PTPRG: variants seen among roughly 807,000 people sequenced by gnomAD.
The protein encoded by PTPRG is receptor-type tyrosine-protein phosphatase gamma.
In PTPRG, 102 loss-of-function variants were observed where a neutral mutation model predicts 165.3. The observed-to-expected ratio is 0.62, with a 90% CI of 0.53 to 0.73. The LOEUF is 0.73. Among genes scored for constraint, PTPRG ranks in the 30% least tolerant of loss-of-function variants. The probability of loss-of-function intolerance (pLI) is 0.00; values close to 1 mark genes in which losing one functional copy is unlikely to be tolerated. For missense variants in PTPRG, 1,866 were observed against 1,861.4 expected (o/e 1.00, Z -0.05); for synonymous variants, 675 against 669.5 (o/e 1.01, Z -0.13).
intron 8 of PTPRG, among the ~76,000 whole-genome samples, chr3:62,183,315 A>G (rs1453900292): frequency 6.6e-6 from 1 of 152,136 alleles, no homozygotes; most frequent in African/African-American, 2.4e-5. Flanking sequence ...TGTAATCTCA[A>G]CACTTTGAGA....
At chr3:61,766,791 T>C (rs1267714901) in intron 2 of PTPRG, among the ~76,000 whole-genome samples, 1 of 151,958 alleles carries the variant, frequency 6.6e-6, no homozygotes, top group Non-Finnish European at 1.5e-5. Flanking sequence ...TAATGTTTAT[T>C]GTATTTTTAG....
chr3:61,952,118 GAAAAAAAAAA>G (rs35655816), intron 2 of PTPRG, among the ~76,000 whole-genome samples: 2 of 79,672 alleles, frequency 2.5e-5, no homozygotes, highest in South Asian at 5.4e-4. Context: ...CTCCACCTCA[GAAAAAAAAAA>G]AAAAAAAAAA....
At chr3:61,887,166 A>ATT (rs1559670266) in intron 2 of PTPRG, among the ~76,000 whole-genome samples, 25 of 99,296 alleles carry the variant, frequency 2.5e-4, no homozygotes, top group African/African-American at 3.5e-4. Flanking sequence ...ATATATATAT[A>ATT]TATATTTTTA....
intron 2 of PTPRG, among the ~76,000 whole-genome samples, chr3:61,778,629 A>G (rs1264029194): frequency 2.0e-5 from 3 of 151,974 alleles, no homozygotes; most frequent in Non-Finnish European, 2.9e-5. Context: ...GGTCCCTGCT[A>G]CTATCCTGAG....
At chr3:61,737,937 C>G (rs2032783621) in intron 1 of PTPRG, among the ~76,000 whole-genome samples, 1 of 146,142 alleles carries the variant, frequency 6.8e-6, no homozygotes, top group Admixed American at 6.9e-5. Context: ...AAGACGGAGT[C>G]TTTCTCTGTC....
chr3:61,982,027 G>T (rs2040653973), intron 2 of PTPRG, among the ~76,000 whole-genome samples: 2 of 152,066 alleles, frequency 1.3e-5, no homozygotes, highest in South Asian at 4.2e-4. Context: ...CAGTCACCTT[G>T]CCCAGTGCTC....
intron 4 of PTPRG, among the ~76,000 whole-genome samples, chr3:62,030,281 A>C (rs1699723176): frequency 6.6e-6 from 1 of 151,900 alleles, no homozygotes; most frequent in African/African-American, 2.4e-5. Flanking sequence ...TCTCACCCAA[A>C]GCTTAATTAG....
chr3:62,146,611 T>C (rs769937125), intron 6 of PTPRG, among the ~76,000 whole-genome samples: 1 of 149,870 alleles, frequency 6.7e-6, no homozygotes, highest in African/African-American at 2.5e-5. Context: ...TTCATGCTCA[T>C]ATGTATTGCC....
At chr3:61,750,059 A>G (rs2033369450) in intron 2 of PTPRG, 1 of 152,130 alleles carries the variant, frequency 6.6e-6, no homozygotes, top group Admixed American at 6.5e-5. Flanking sequence ...AGAATATCCT[A>G]TCTGTTTTGT....
intron 1 of PTPRG, among the ~76,000 whole-genome samples, chr3:61,711,909 T>A (rs1261574480): frequency 2.0e-5 from 3 of 151,678 alleles, no homozygotes; most frequent in African/African-American, 7.3e-5. Context: ...TTTTTTTTTT[T>A]TGAGACGGAG....
At chr3:62,018,628 C>G (rs370336290) in intron 4 of PTPRG, among the ~76,000 whole-genome samples, 1 of 152,218 alleles carries the variant, frequency 6.6e-6, no homozygotes, top group African/African-American at 2.4e-5. Flanking sequence ...AAAATGTAAG[C>G]ACTTGAACTA....
intron 3 of PTPRG, among the ~76,000 whole-genome samples, chr3:61,996,396 A>G (rs9827942): frequency 0.059 from 8,920 of 152,236 alleles, 783 homozygotes; most frequent in African/African-American, 0.19. Context: ...ATGGTAGACC[A>G]TTGTGGAGTC....
At chr3:61,843,686 G>C (rs978282797) in intron 2 of PTPRG, among the ~76,000 whole-genome samples, 1 of 151,912 alleles carries the variant, frequency 6.6e-6, no homozygotes, top group African/African-American at 2.4e-5. Flanking sequence ...CTATCGGCAG[G>C]TTTCCAGTGA....
intron 2 of PTPRG, among the ~76,000 whole-genome samples, chr3:61,917,545 G>T (rs1308980103): frequency 6.6e-6 from 1 of 152,314 alleles, no homozygotes; most frequent in Non-Finnish European, 1.5e-5. Context: ...TCAGCATTCA[G>T]AGGGTCCTGA....
rs755909193 is a variant in PTPRG at position 62,203,518 on chromosome 3, G to A, written c.1723G>A (p.Glu575Lys). 2.6e-5 allele frequency: 41 copies of A among 1,556,744 alleles called. No homozygotes were observed. The highest frequency in any genetic ancestry group is 4.1e-5 in the African/African-American group (3 of 73,238). ...TGATTCGTCACCAACCAAGGACGGC[G>A]AGGGCACCGAGGAAGGAGAGAAGGA... is the stretch of plus-strand genomic sequence containing the variant. The part of the protein sequence containing the change: ...DGDSSPTKDG[E>K]GTEEGEKDEK... The change falls in exon 12 of 30, where the codon GAG (glutamate) becomes AAG (lysine). Residue 575 changes from glutamate to lysine, a missense_variant. Physicochemically the swap from Glu to Lys is moderately conservative, Grantham distance 56. Coordinates refer to ENST00000474889, the MANE Select transcript of PTPRG (RefSeq NM_002841.4). The surrounding 1 kb of genome is among the most constrained non-coding windows in gnomAD (Gnocchi z 6.4).
chr3:61,827,803 C>G (rs2036154423), intron 2 of PTPRG, among the ~76,000 whole-genome samples: 2 of 152,094 alleles, frequency 1.3e-5, no homozygotes, highest in Non-Finnish European at 2.9e-5. Context: ...GTGACCCTAT[C>G]CTGATACAGT....
intron 2 of PTPRG, among the ~76,000 whole-genome samples, chr3:61,959,181 C>A (rs1427251107): frequency 6.6e-6 from 1 of 152,146 alleles, no homozygotes; most frequent in Non-Finnish European, 1.5e-5. Flanking sequence ...GTTATGTGTT[C>A]CAATTTCAGA....
chr3:62,094,137 C>T (rs559623827), intron 5 of PTPRG, among the ~76,000 whole-genome samples: 1 of 152,216 alleles, frequency 6.6e-6, no homozygotes, highest in East Asian at 1.9e-4. Flanking sequence ...TTGCCCAGGG[C>T]CACTCAACTA....
At chr3:62,142,890 C>T (rs138198439) in intron 6 of PTPRG, among the ~76,000 whole-genome samples, 43 of 152,328 alleles carry the variant, frequency 2.8e-4, no homozygotes, top group Non-Finnish European at 4.4e-5. Flanking sequence ...GGGATCACTG[C>T]ATATTCCAGA....
Sources: allele counts gnomAD v4.1 joint callset (sites outside exome capture counted in the v4.1 genomes callset), GRCh38; gene constraint gnomAD v4.1.1; non-coding constraint Gnocchi (gnomAD v3.1); transcripts MANE v1.5; gene names NCBI Gene and HGNC (gene_info 2026-07-23, HGNC 2026-07-21).